DOCK2: variants seen among roughly 807,000 people sequenced by gnomAD.
DOCK2 encodes the protein dedicator of cytokinesis protein 2.
Under a neutral mutation model 248.9 loss-of-function variants are expected in DOCK2, and 87 were observed. The ratio of observed to expected loss-of-function variants is 0.35; its 90% CI spans 0.29 to 0.42. The LOEUF (loss-of-function observed/expected upper bound fraction) is 0.42, where lower values mean the gene tolerates loss of function less well. DOCK2 is among the 10% of genes least tolerant of loss of function. The pLI, the probability that DOCK2 is intolerant of heterozygous loss-of-function variation, is 1.00. For synonymous variants in DOCK2, 805 were observed against 821.6 expected, an observed-to-expected ratio of 0.98 and a Z score of 0.35; for missense variants, 1,747 against 2,300.2, an observed-to-expected ratio of 0.76 and a Z score of 4.92.
At chr5:170,036,597 T>C (rs1348216179) in intron 36 of DOCK2, 42 bp downstream of exon 36, 3 of 1,600,234 alleles carry the variant, frequency 1.9e-6, no homozygotes, top group Non-Finnish European at 2.6e-6. Flanking sequence ...GCTGTGTCAC[T>C]TTCCTGCTCA....
At chr5:169,874,362 G>A (rs548073701) in intron 27 of DOCK2, among the ~76,000 whole-genome samples, 10 of 141,508 alleles carry the variant, frequency 7.1e-5, no homozygotes, top group African/African-American at 2.6e-4. Context: ...GCAGTGAGCC[G>A]AGATTGTGCA....
At chr5:169,756,528 GAACA>G (rs995436721) in intron 23 of DOCK2, among the ~76,000 whole-genome samples, 4 of 152,208 alleles carry the variant, frequency 2.6e-5, no homozygotes, top group African/African-American at 9.6e-5. Flanking sequence ...CTCAAGGAGT[GAACA>G]AATGAGCCTA....
intron 2 of DOCK2, among the ~76,000 whole-genome samples, chr5:169,662,275 A>T (rs1445471800): frequency 1.3e-5 from 2 of 152,120 alleles, no homozygotes; most frequent in Non-Finnish European, 2.9e-5. Flanking sequence ...AGAAATGTCT[A>T]TTCAGTTTCT....
chr5:170,083,311 T>C lies in DOCK2; in HGVS notation c.*453T>C, dbSNP rs1705374954. 6.5e-6 allele frequency: 1 copy of C among 153,894 alleles called. No homozygotes were observed. Among genetic ancestry groups the C allele is most frequent in the Non-Finnish European group, 1.4e-5 (1 of 69,082 alleles). The allele number at this position is 153,894 out of a possible 1,614,324, so 9.5% of individuals were successfully genotyped here. ...TTTTTTATACAACCAACCAGTTTCT[T>C]TTCTAGCCAATCATCTCTGAAGAGT... On this transcript the variant is annotated 3_prime_UTR_variant, in exon 52 of 52. Coordinates refer to ENST00000520908, the MANE Select transcript of DOCK2 (RefSeq NM_004946.3).
chr5:170,058,131 G>T (rs1468986767), intron 44 of DOCK2, among the ~76,000 whole-genome samples: 1 of 152,174 alleles, frequency 6.6e-6, no homozygotes, highest in Non-Finnish European at 1.5e-5. Flanking sequence ...TCTCCCTTGT[G>T]CAGATAACAC....
At chr5:169,950,661 A>G (rs957365565) in intron 27 of DOCK2, among the ~76,000 whole-genome samples, 5 of 152,114 alleles carry the variant, frequency 3.3e-5, no homozygotes, top group Non-Finnish European at 7.4e-5. Context: ...CCTATGAAGT[A>G]TTTTGTCCAA....
At chr5:169,801,952 G>A (rs1767020575) in intron 25 of DOCK2, among the ~76,000 whole-genome samples, 1 of 151,762 alleles carries the variant, frequency 6.6e-6, no homozygotes, top group Non-Finnish European at 1.5e-5. Flanking sequence ...GATTTAAAAT[G>A]ATATCCTGGT....
intron 29 of DOCK2, among the ~76,000 whole-genome samples, chr5:169,989,551 G>A (rs757357741): frequency 1.3e-5 from 2 of 152,204 alleles, no homozygotes; most frequent in Non-Finnish European, 2.9e-5. Context: ...AGGGCTTACG[G>A]TCTAGCTGGG....
At chr5:169,855,576 T>C (rs1329081482) in intron 27 of DOCK2, among the ~76,000 whole-genome samples, 1 of 152,158 alleles carries the variant, frequency 6.6e-6, no homozygotes, top group South Asian at 2.1e-4. Flanking sequence ...TTGCTAGATG[T>C]GTGTCTTAGA....
At chr5:170,079,322 G>GCCACC in intron 49 of DOCK2, 176 bp downstream of exon 49, 12 of 850,740 alleles carry the variant, frequency 1.4e-5, no homozygotes, top group South Asian at 1.8e-5. Context: ...CTCGTGCCCA[G>GCCACC]GCAGCTGGGG....
intron 34 of DOCK2, among the ~76,000 whole-genome samples, chr5:170,032,328 A>G (rs188670249): frequency 6.6e-6 from 1 of 152,214 alleles, no homozygotes; most frequent in African/African-American, 2.4e-5. Flanking sequence ...GCCTGGCCCC[A>G]GTTGTTCTTA....
chr5:169,760,043 AG>A (rs1764393351), intron 24 of DOCK2, among the ~76,000 whole-genome samples: 2 of 152,184 alleles, frequency 1.3e-5, no homozygotes, highest in African/African-American at 4.8e-5. Flanking sequence ...TTGATGTTTG[AG>A]ATGAATGTTT....
At chr5:169,648,191 A>G (rs762339305) in intron 1 of DOCK2, among the ~76,000 whole-genome samples, 10 of 152,094 alleles carry the variant, frequency 6.6e-5, no homozygotes, top group Non-Finnish European at 1.3e-4. Flanking sequence ...GTGGGCCAGG[A>G]AAATCTTTGT....
At chr5:169,903,120 G>A (rs1412908365) in intron 27 of DOCK2, among the ~76,000 whole-genome samples, 3 of 151,416 alleles carry the variant, frequency 2.0e-5, no homozygotes, top group African/African-American at 7.3e-5. Flanking sequence ...AGAAAGGGGT[G>A]AATTTCAATG....
chr5:169,694,990 A>G (rs903152970), intron 9 of DOCK2, among the ~76,000 whole-genome samples: 5 of 152,280 alleles, frequency 3.3e-5, no homozygotes, highest in African/African-American at 1.2e-4. Flanking sequence ...AAATAAAATA[A>G]ATAAATAAAC....
At chr5:169,803,351 C>T in intron 26 of DOCK2, 145 bp downstream of exon 26, 1 of 1,057,216 alleles carries the variant, frequency 9.5e-7, no homozygotes, top group Non-Finnish European at 1.3e-6. Context: ...TTTCCTGTGA[C>T]TAACCCCCAT....
At chr5:169,857,969 G>T (rs916524102) in intron 27 of DOCK2, among the ~76,000 whole-genome samples, 10 of 152,158 alleles carry the variant, frequency 6.6e-5, no homozygotes, top group African/African-American at 2.2e-4. Context: ...GCAGAATGAG[G>T]ATAGAGAGAA....
intron 4 of DOCK2, among the ~76,000 whole-genome samples, 183 bp downstream of exon 4, chr5:169,670,780 C>T (rs565415744): frequency 1.1e-4 from 17 of 152,300 alleles, no homozygotes; most frequent in African/African-American, 3.9e-4. Flanking sequence ...TTGATTCATA[C>T]TGAGATCTGA....
chr5:169,966,276 C>G (rs1490680635), intron 27 of DOCK2, among the ~76,000 whole-genome samples: 1 of 151,878 alleles, frequency 6.6e-6, no homozygotes, highest in African/African-American at 2.4e-5. Flanking sequence ...CAAATGTGTA[C>G]AGTAAGATTA....
Sources: allele counts gnomAD v4.1 joint callset (sites outside exome capture counted in the v4.1 genomes callset), GRCh38; gene constraint gnomAD v4.1.1; transcripts MANE v1.5; gene names NCBI Gene and HGNC (gene_info 2026-07-23, HGNC 2026-07-21).